Variants in EIF2AK4 observed in about 807,000 individuals in gnomAD.
EIF2AK4 encodes the protein eukaryotic translation initiation factor 2 alpha kinase 4, also known as eIF-2-alpha kinase GCN2.
A neutral mutation model predicts 211.1 loss-of-function variants in EIF2AK4; 139 were observed. The ratio of observed to expected loss-of-function variants is 0.66; its 90% CI spans 0.57 to 0.76. The LOEUF (loss-of-function observed/expected upper bound fraction) is 0.76. Ranked by LOEUF, EIF2AK4 falls within the 30% of genes least tolerant of loss-of-function variation. The pLI is 0.00. For synonymous variants in EIF2AK4, 710 were observed against 751.3 expected (o/e 0.94, Z 0.90); for missense variants, 1,664 against 2,043.8 (o/e 0.81, Z 3.58).
intron 6 of EIF2AK4, among the ~76,000 whole-genome samples, chr15:39,959,806 A>G (rs1394691681): frequency 6.6e-6 from 1 of 152,250 alleles, no homozygotes; most frequent in East Asian, 1.9e-4. Context: ...AGTTGCACAC[A>G]TAACTTTAGA....
intron 6 of EIF2AK4, among the ~76,000 whole-genome samples, chr15:39,956,228 A>T (rs925146194): frequency 1.3e-5 from 2 of 151,214 alleles, no homozygotes; most frequent in Admixed American, 1.3e-4. Context: ...CTGGTCTCGA[A>T]CTCCTGACCT....
intron 4 of EIF2AK4, among the ~76,000 whole-genome samples, chr15:39,953,372 T>A (rs2034346349): frequency 6.6e-6 from 1 of 152,142 alleles, no homozygotes; most frequent in Non-Finnish European, 1.5e-5. Context: ...AAAATAGAGA[T>A]CAAAATACCA....
chr15:40,007,390 G>C (rs536370447), intron 24 of EIF2AK4, among the ~76,000 whole-genome samples: 3 of 152,198 alleles, frequency 2.0e-5, no homozygotes, highest in Non-Finnish European at 2.9e-5. Context: ...CATGATCACA[G>C]ATGGCCCCTT....
chr15:39,943,266 C>G, intron 2 of EIF2AK4, 117 bp from the exon 3 acceptor site: 2 of 713,254 alleles, frequency 2.8e-6, no homozygotes, highest in East Asian at 6.2e-5. Context: ...TGGTTGAAGT[C>G]CCTTTGAGAT....
rs1338736777 is a variant in EIF2AK4 at position 39,943,450 on chromosome 15, C to T, written c.325C>T (p.Arg109Cys). 5 of 1,573,052 alleles carry T rather than the reference C, an allele frequency of 3.2e-6. No homozygotes were observed. The South Asian group carries it at 3.6e-5, about 11-fold the overall frequency. ...TGAAAGTGTCAATTTGTTAAAATCT[C>T]GCCTAGAAGAACTGGCCAAGAAACA... is the stretch of plus-strand genomic sequence containing the variant. ...SNESVNLLKSRLEELAKKHCG... is the reference protein window; with the variant it reads ...SNESVNLLKSCLEELAKKHCG... Residue 109 changes from arginine to cysteine, a missense_variant, in exon 3 of 39, where the codon CGC becomes TGC. Arg to Cys is a radical substitution (Grantham distance 180, BLOSUM62 -3). Around this residue, in one of 7 missense-constraint regions of EIF2AK4, gnomAD observed 641 missense variants for 729.6 expected, o/e 0.88. Coordinates refer to ENST00000263791, the MANE Select transcript of EIF2AK4 (RefSeq NM_001013703.4).
At chr15:40,010,720 C>G (rs1389831867) in intron 26 of EIF2AK4, among the ~76,000 whole-genome samples, 1 of 152,180 alleles carries the variant, frequency 6.6e-6, no homozygotes, top group Non-Finnish European at 1.5e-5. Context: ...TTTCTTTCAT[C>G]TGGCAGGTAC....
At chr15:39,961,742 A>G in intron 6 of EIF2AK4, 42 bp from the exon 7 acceptor site, 1 of 1,497,228 alleles carries the variant, frequency 6.7e-7, no homozygotes, top group Non-Finnish European at 9.2e-7. Flanking sequence ...GAAAAAAATG[A>G]AAAATGATTG....
At chr15:39,946,673 G>C (rs2034232192) in intron 3 of EIF2AK4, 2 of 700,086 alleles carry the variant, frequency 2.9e-6, no homozygotes, top group Non-Finnish European at 5.2e-6. Context: ...GAATGCTACA[G>C]AGAAATCTTC....
intron 35 of EIF2AK4, 26 bp downstream of exon 35, chr15:40,030,482 C>T (rs1054064024): frequency 3.8e-6 from 6 of 1,588,732 alleles, no homozygotes; most frequent in Non-Finnish European, 5.2e-6. Flanking sequence ...GTTTCTTTGG[C>T]TTTCTAATAT....
At chr15:39,937,094 TATA>T (rs775813701) in intron 1 of EIF2AK4, among the ~76,000 whole-genome samples, 1 of 152,222 alleles carries the variant, frequency 6.6e-6, no homozygotes, top group Non-Finnish European at 1.5e-5. Context: ...TTAAAGTATC[TATA>T]ATTTATAGAT....
At chr15:40,016,762 T>G (rs779703566) in intron 28 of EIF2AK4, 90 bp downstream of exon 28, 6 of 1,449,158 alleles carry the variant, frequency 4.1e-6, no homozygotes, top group Non-Finnish European at 5.6e-6. Context: ...TAATGCTAGT[T>G]AGTGTTTTAT....
chr15:39,996,014 C>CCCCCAGT (rs1159099056), intron 18 of EIF2AK4, among the ~76,000 whole-genome samples: 1 of 152,066 alleles, frequency 6.6e-6, no homozygotes, highest in African/African-American at 2.4e-5. Flanking sequence ...CTCCCCTTGA[C>CCCCCAGT]CCCCAGTCCC....
At position 40,010,817 on chromosome 15, in the gene EIF2AK4, C is replaced by A. The variant is rs1368776803; in HGVS notation, c.3694-464C>A. On this transcript the variant is annotated intron_variant, in intron 26 of 38. Transcript: ENST00000263791. ...TGCTGCTGTTTGTCAGTGACAGATA[C>A]AATATGATGTCAATCGGACACTGGC... Among the ~76,000 whole-genome samples the A allele has an allele frequency of 2.0e-5, 3 of 152,264 alleles. No homozygotes were observed. The East Asian group carries it at 5.8e-4, about 29-fold the overall frequency.
chr15:40,034,287 T>C (rs909317465), intron 37 of EIF2AK4, 39 bp from the exon 38 acceptor site: 2 of 1,552,126 alleles, frequency 1.3e-6, no homozygotes, highest in Non-Finnish European at 1.8e-6. Flanking sequence ...TAGTAAACCC[T>C]AGAGACCTGT....
At position 39,961,917 on chromosome 15, in the gene EIF2AK4, A is replaced by G. The variant is rs769072162; in HGVS notation, c.859+18A>G. 6.3e-7 allele frequency: 1 copy of G among 1,577,738 alleles called. No individual in the cohort carries two copies. Among genetic ancestry groups the G allele is most frequent in the Non-Finnish European group, 8.7e-7 (1 of 1,147,946 alleles). On this transcript the variant is annotated intron_variant, in intron 7 of 38. Transcript: ENST00000263791. ...ATGTATTGGTGAGTAAACTAGCAAAATCTATTCATATTATTGTAATGGCAA... is the reference window on the plus strand; with the variant it reads ...ATGTATTGGTGAGTAAACTAGCAAAGTCTATTCATATTATTGTAATGGCAA...
At chr15:39,977,032 C>T (rs2034708291) in intron 12 of EIF2AK4, 188 bp downstream of exon 12, 2 of 612,976 alleles carry the variant, frequency 3.3e-6, no homozygotes, top group Admixed American at 4.3e-5. Context: ...CTGCAACATC[C>T]GCCTCCCGGG....
At chr15:39,983,964 C>G (rs1193579604) in intron 13 of EIF2AK4, among the ~76,000 whole-genome samples, 2 of 152,156 alleles carry the variant, frequency 1.3e-5, no homozygotes, top group African/African-American at 4.8e-5. Context: ...AGGTTTTCTT[C>G]TAGGATTTTC....
At chr15:39,994,791 G>A (rs1378712428) in intron 18 of EIF2AK4, among the ~76,000 whole-genome samples, 2 of 152,090 alleles carry the variant, frequency 1.3e-5, no homozygotes, top group East Asian at 3.9e-4. Flanking sequence ...GGTATCAGGA[G>A]ATGGACTGCA....
intron 38 of EIF2AK4, 80 bp downstream of exon 38, chr15:40,034,524 G>T: frequency 8.8e-7 from 1 of 1,133,582 alleles, no homozygotes; most frequent in South Asian, 1.3e-5. Flanking sequence ...TTATTTTGTT[G>T]TCTTGTTGAG....
Sources: allele counts gnomAD v4.1 joint callset (sites outside exome capture counted in the v4.1 genomes callset), GRCh38; gene constraint gnomAD v4.1.1; regional missense constraint gnomAD v4.1.1; transcripts MANE v1.5; gene names NCBI Gene and HGNC (gene_info 2026-07-23, HGNC 2026-07-21).